Variants in TRPM1 observed in about 807,000 individuals in gnomAD.
TRPM1 encodes the protein transient receptor potential cation channel subfamily M member 1.
Under a neutral mutation model 149.4 loss-of-function variants are expected in TRPM1, and 113 were observed. The observed-to-expected ratio is 0.76, with a 90% CI of 0.65 to 0.88. The LOEUF is 0.88. Among genes scored for constraint, TRPM1 ranks in the 40% least tolerant of loss-of-function variants. The probability of loss-of-function intolerance (pLI) is 0.00; values close to 1 mark genes in which losing one functional copy is unlikely to be tolerated. For synonymous variants in TRPM1, 741 were observed against 759.5 expected (o/e 0.98, Z 0.40); for missense variants, 1,976 against 2,038.7 (o/e 0.97, Z 0.59).
upstream of TRPM1, among the ~76,000 whole-genome samples, chr15:31,105,330 C>T (rs1397311245): frequency 6.6e-6 from 1 of 152,072 alleles, no homozygotes; most frequent in South Asian, 2.1e-4. Flanking sequence ...TCCAAGGAGC[C>T]CTGGTTCCTT....
chr15:31,026,467 CG>C, intron 26 of TRPM1, 196 bp from the exon 27 acceptor site: 1 of 697,882 alleles, frequency 1.4e-6, no homozygotes, highest in South Asian at 1.8e-5. Context: ...TGGAGCCAAA[CG>C]GCCCGCTTTT....
intron 7 of TRPM1, among the ~76,000 whole-genome samples, chr15:31,064,613 G>A (rs944845068): frequency 6.6e-6 from 1 of 152,206 alleles, no homozygotes; most frequent in African/African-American, 2.4e-5. Context: ...ATTAACTAAA[G>A]GCAAGTGGAA....
intron 11 of TRPM1, 149 bp from the exon 12 acceptor site, chr15:31,050,731 C>T: frequency 1.2e-6 from 1 of 830,326 alleles, no homozygotes; most frequent in Non-Finnish European, 2.0e-6. Flanking sequence ...ACAGTGCACA[C>T]ATATGCCCAC....
chr15:31,111,971 G>A (rs1157119883), intron 1 of TRPM1, among the ~76,000 whole-genome samples: 2 of 152,130 alleles, frequency 1.3e-5, no homozygotes, highest in East Asian at 1.9e-4. Context: ...ATTGTTACCC[G>A]AAACTTTTGT....
At chr15:31,106,662 C>T (rs2035611268), upstream of TRPM1, among the ~76,000 whole-genome samples, 3 of 152,154 alleles carry the variant, frequency 2.0e-5, no homozygotes, top group South Asian at 6.2e-4. Flanking sequence ...TGAGTGGATG[C>T]ATGAGAGTTG....
At chr15:31,103,032 T>A (rs1396605538), upstream of TRPM1, among the ~76,000 whole-genome samples, 1 of 152,054 alleles carries the variant, frequency 6.6e-6, no homozygotes, top group African/African-American at 2.4e-5. Context: ...GCATCTGAAA[T>A]CAGTCTGGGA....
At chr15:31,063,551 T>C (rs1330447424) in intron 7 of TRPM1, among the ~76,000 whole-genome samples, 1 of 151,996 alleles carries the variant, frequency 6.6e-6, no homozygotes, top group African/African-American at 2.4e-5. Context: ...TCAACCTCCC[T>C]CTCAGCTCAG....
At chr15:31,056,105 A>T (rs1347849678) in intron 11 of TRPM1, among the ~76,000 whole-genome samples, 5 of 152,244 alleles carry the variant, frequency 3.3e-5, no homozygotes, top group African/African-American at 1.2e-4. Context: ...GCTAAAGAAA[A>T]AGTTGAGATT....
At chr15:31,072,285 T>C (rs80046858) in intron 3 of TRPM1, among the ~76,000 whole-genome samples, 2,465 of 152,132 alleles carry the variant, frequency 0.016, 80 homozygotes, top group African/African-American at 0.056. Context: ...TCCTGTAATA[T>C]CTGGTCTTTG....
In TRPM1 at chr15:31,061,533, T is replaced by A; in HGVS notation, c.1090-19A>T. The A allele has an allele frequency of 1.9e-6, 3 of 1,612,958 alleles. No homozygotes were observed. Among genetic ancestry groups the A allele is most frequent in the Non-Finnish European group, 2.5e-6 (3 of 1,178,994 alleles). On this transcript the variant is annotated intron_variant, in intron 9 of 27. Coordinates refer to ENST00000256552, the MANE Select transcript of TRPM1 (RefSeq NM_001252024.2). ...CAGTGACCTGAAAATGTGAAAAGAC[T>A]GAATTAAAGCCAAGTTGAAAACAAG...
intron 1 of TRPM1, among the ~76,000 whole-genome samples, chr15:31,136,609 T>C (rs1050361830): frequency 7.9e-5 from 12 of 152,208 alleles, no homozygotes; most frequent in Admixed American, 7.2e-4. Context: ...TCAATCAGCA[T>C]GATAATAAAG....
rs199890987 is a variant in TRPM1, at chr15:31,002,891, C to T, written c.3809G>A (p.Arg1270Gln). 4.4e-5 allele frequency: 71 copies of T among 1,613,944 alleles called. No homozygotes were observed. In the East Asian group the frequency reaches 8.5e-4, roughly 19 times the overall value. ...CGTTGCCTCACATTCAGAAGAAGCCCGGGACCGTGCCTGGATCAGGTCAGA... is the reference window on the plus strand; with the variant it reads ...CGTTGCCTCACATTCAGAAGAAGCCTGGGACCGTGCCTGGATCAGGTCAGA... ...DRSDLIQARSRASSECEATYL... is the reference protein window; with the variant it reads ...DRSDLIQARSQASSECEATYL... Residue 1270 changes from arginine (R) to glutamine (Q), a missense_variant, in exon 28 of 28, where the codon CGG (arginine) becomes CAG (glutamine). Arg to Gln is a conservative substitution (Grantham distance 43, BLOSUM62 1). This residue lies in a region of TRPM1 where 572 missense variants were observed against 578.9 expected (regional missense o/e 0.99). Transcript: ENST00000256552.
At chr15:31,019,439 G>A (rs1220383916) in intron 27 of TRPM1, among the ~76,000 whole-genome samples, 2 of 152,024 alleles carry the variant, frequency 1.3e-5, no homozygotes, top group South Asian at 2.1e-4. Context: ...TCTCTGTCAC[G>A]CAGGCTGGAG....
chr15:31,121,223 CAAAAAAA>C (rs71420549), intron 1 of TRPM1, among the ~76,000 whole-genome samples: 1 of 59,382 alleles, frequency 1.7e-5, no homozygotes, highest in African/African-American at 6.6e-5. Flanking sequence ...GACTCCATCT[CAAAAAAA>C]AAAAAAAAAA....
intron 27 of TRPM1, among the ~76,000 whole-genome samples, chr15:31,009,073 T>C (rs2032092137): frequency 6.6e-6 from 1 of 152,220 alleles, no homozygotes; most frequent in East Asian, 1.9e-4. Context: ...GAATTTCCTA[T>C]AGTTATTCTT....
At position 31,001,123 on chromosome 15, in the gene TRPM1, T is replaced by C. The variant is rs1332467650; in HGVS notation, c.*699A>G. 2 of 152,218 alleles carry C rather than the reference T, an allele frequency of 1.3e-5. No individual in the cohort carries two copies. The highest frequency in any genetic ancestry group is 6.5e-5 in the Admixed American group (1 of 15,286). 9.4% of individuals were successfully genotyped at this position (152,218 alleles called of 1,614,324 possible). ...AAAACTCTAGGTCACCCTAAATTAT[T>C]AGAGTATGATGTTTGATATAATTGT... On this transcript the variant is annotated 3_prime_UTR_variant, in exon 28 of 28. Coordinates refer to ENST00000256552, the MANE Select transcript of TRPM1 (RefSeq NM_001252024.2).
At chr15:31,127,059 C>G (rs1379418312) in intron 1 of TRPM1, among the ~76,000 whole-genome samples, 2 of 152,170 alleles carry the variant, frequency 1.3e-5, no homozygotes, top group Non-Finnish European at 2.9e-5. Flanking sequence ...GCTAGTATCC[C>G]CATTTCTCAG....
At chr15:31,063,602 G>C (rs1471427157) in intron 7 of TRPM1, among the ~76,000 whole-genome samples, 1 of 151,844 alleles carries the variant, frequency 6.6e-6, no homozygotes, top group Non-Finnish European at 1.5e-5. Flanking sequence ...CTGGGACTAT[G>C]GGCACATGCC....
At chr15:31,097,469 A>T (rs972542694) in intron 1 of TRPM1, among the ~76,000 whole-genome samples, 1 of 152,108 alleles carries the variant, frequency 6.6e-6, no homozygotes, top group Admixed American at 6.5e-5. Context: ...ACTTCCATGG[A>T]TCGATCACCT....
Sources: gnomAD v4.1 joint callset for allele counts (sites outside exome capture counted in the v4.1 genomes callset) on GRCh38, gnomAD v4.1.1 for gene constraint, gnomAD v4.1.1 regional missense constraint, MANE v1.5 for transcripts, NCBI Gene and HGNC (gene_info 2026-07-23, HGNC 2026-07-21) for gene names.